The following VSTM2L variants were observed in gnomAD, a reference collection of about 807,000 sequenced individuals.
VSTM2L encodes the protein V-set and transmembrane domain-containing protein 2-like protein.
VSTM2L carries 9 observed loss-of-function variants against 19.9 expected under a neutral mutation model. That is an observed-to-expected ratio of 0.45 (90% CI 0.27 to 0.79). The LOEUF is 0.79. VSTM2L is among the 30% of genes least tolerant of loss of function. The pLI is 0.15. For missense variants in VSTM2L, 286 were observed against 295.5 expected, an observed-to-expected ratio of 0.97 and a Z score of 0.24; for synonymous variants, 127 against 133.8, an observed-to-expected ratio of 0.95 and a Z score of 0.35.
At chr20:37,935,699 C>G (rs188205901) in intron 3 of VSTM2L, among the ~76,000 whole-genome samples, 50 of 152,222 alleles carry the variant, frequency 3.3e-4, no homozygotes, top group Non-Finnish European at 6.3e-4. Context: ...TGAGTTTTTG[C>G]TTCATGACTG....
chr20:37,912,160 TG>T (rs1202485893), intron 1 of VSTM2L, among the ~76,000 whole-genome samples: 2 of 152,204 alleles, frequency 1.3e-5, no homozygotes, highest in African/African-American at 4.8e-5. Flanking sequence ...ACACAGATGC[TG>T]AACAGCAAAG....
chr20:37,920,225 G>T (rs1197822217), intron 1 of VSTM2L, among the ~76,000 whole-genome samples: 1 of 152,240 alleles, frequency 6.6e-6, no homozygotes, highest in Non-Finnish European at 1.5e-5. Flanking sequence ...GACTTGCAGT[G>T]TGACCTTGTG....
chr20:37,935,747 C>T (rs1380759891), intron 3 of VSTM2L, among the ~76,000 whole-genome samples: 4 of 152,112 alleles, frequency 2.6e-5, no homozygotes, highest in Non-Finnish European at 5.9e-5. Flanking sequence ...ACTGAGCCTG[C>T]CTGACTCACT....
chr20:37,916,669 A>G (rs1171443801), intron 1 of VSTM2L, among the ~76,000 whole-genome samples: 1 of 152,214 alleles, frequency 6.6e-6, no homozygotes. Context: ...GAAGAGGACA[A>G]TGATAGTGGC....
At chr20:37,941,804 G>T (rs1359485259) in intron 3 of VSTM2L, among the ~76,000 whole-genome samples, 1 of 151,594 alleles carries the variant, frequency 6.6e-6, no homozygotes. Flanking sequence ...AGGGGCTGCA[G>T]GAAGGTTTTT....
chr20:37,931,278 A>T (rs1461132410), intron 1 of VSTM2L, among the ~76,000 whole-genome samples: 1 of 152,150 alleles, frequency 6.6e-6, no homozygotes, highest in Admixed American at 6.5e-5. Context: ...GGAAGAGCTG[A>T]TGGAAGCGGC....
At chr20:37,907,086 C>T (rs988929792) in intron 1 of VSTM2L, among the ~76,000 whole-genome samples, 1 of 152,154 alleles carries the variant, frequency 6.6e-6, no homozygotes, top group African/African-American at 2.4e-5. Flanking sequence ...TGATGGGACC[C>T]TGGAATGTAC....
chr20:37,907,057 C>T (rs1035697609), intron 1 of VSTM2L, among the ~76,000 whole-genome samples: 2 of 152,146 alleles, frequency 1.3e-5, no homozygotes, highest in Admixed American at 6.5e-5. Flanking sequence ...CCCCCAAACC[C>T]GCTGCCAGAA....
At chr20:37,903,623 C>A in intron 1 of VSTM2L, 152 bp downstream of exon 1, 1 of 1,216,752 alleles carries the variant, frequency 8.2e-7, no homozygotes. Context: ...CGCCCTGGCA[C>A]CCTGGCCCTG....
rs574368219 is a variant in VSTM2L, at chr20:37,945,144, C to G, written c.*891C>G. The G allele has an allele frequency of 8.1e-6, 8 of 985,688 alleles. No individual in the cohort carries two copies. The Middle Eastern group carries it at 1.6e-3, about 193-fold the overall frequency. The allele number at this position is 985,688 out of a possible 1,614,324, so 61.1% of individuals were successfully genotyped here. ...TCAGTTCCCTCACGATTCCCGATCA[C>G]GGGCACACCTGCCCCCTGGTTATTT... On this transcript the variant is annotated 3_prime_UTR_variant, in exon 4 of 4. Coordinates refer to ENST00000373461, the MANE Select transcript of VSTM2L (RefSeq NM_080607.3).
At chr20:37,928,696 C>T (rs753955233) in intron 1 of VSTM2L, among the ~76,000 whole-genome samples, 40 of 152,104 alleles carry the variant, frequency 2.6e-4, no homozygotes, top group Non-Finnish European at 5.0e-4. Flanking sequence ...TCAAGGCTGC[C>T]GCAAGCCTTG....
intron 3 of VSTM2L, among the ~76,000 whole-genome samples, chr20:37,943,604 C>T (rs1350534348): frequency 6.6e-6 from 1 of 152,006 alleles, no homozygotes; most frequent in Admixed American, 6.6e-5. Flanking sequence ...CCGGAAGACC[C>T]CAAAACCAGT....
At chr20:37,907,652 G>GC (rs2072758107) in intron 1 of VSTM2L, among the ~76,000 whole-genome samples, 2 of 149,892 alleles carry the variant, frequency 1.3e-5, no homozygotes, top group South Asian at 4.3e-4. Context: ...CCCCCACCCT[G>GC]CCACACACAC....
At chr20:37,941,495 G>T (rs1010916476) in intron 3 of VSTM2L, among the ~76,000 whole-genome samples, 2 of 152,234 alleles carry the variant, frequency 1.3e-5, no homozygotes, top group African/African-American at 4.8e-5. Context: ...ACACGTGTGA[G>T]TGCCCAGCAC....
chr20:37,912,539 T>C (rs1170259650), intron 1 of VSTM2L, among the ~76,000 whole-genome samples: 3 of 152,098 alleles, frequency 2.0e-5, no homozygotes, highest in Admixed American at 2.0e-4. Context: ...CTGTGTGTGG[T>C]TGAAGGGGCA....
intron 1 of VSTM2L, among the ~76,000 whole-genome samples, chr20:37,924,625 C>T (rs1399021738): frequency 6.6e-6 from 1 of 151,768 alleles, no homozygotes; most frequent in East Asian, 1.9e-4. Flanking sequence ...CGGTGCCTGG[C>T]ACAAAACAAA....
chr20:37,942,869 C>CT (rs1269263355), intron 3 of VSTM2L, among the ~76,000 whole-genome samples: 1 of 152,250 alleles, frequency 6.6e-6, no homozygotes, highest in African/African-American at 2.4e-5. Flanking sequence ...AACATCCTTG[C>CT]TCCCCCCAAG....
chr20:37,940,677 A>G (rs2072967109), intron 3 of VSTM2L, among the ~76,000 whole-genome samples: 1 of 152,226 alleles, frequency 6.6e-6, no homozygotes. Flanking sequence ...TCACCCTGCT[A>G]TAAAGAACTA....
chr20:37,932,841 G>A (rs1396151281), intron 2 of VSTM2L, among the ~76,000 whole-genome samples: 4 of 152,148 alleles, frequency 2.6e-5, no homozygotes, highest in East Asian at 3.9e-4. Flanking sequence ...CCACCCATTC[G>A]TATATGAACA....
Sources: allele counts gnomAD v4.1 joint callset (sites outside exome capture counted in the v4.1 genomes callset), GRCh38; gene constraint gnomAD v4.1.1; transcripts MANE v1.5; gene names NCBI Gene and HGNC (gene_info 2026-07-23, HGNC 2026-07-21).